Variants in SOX5 observed in about 807,000 individuals in gnomAD.
The protein encoded by SOX5 is SRY-box transcription factor 5, also known as transcription factor SOX-5.
Under a neutral mutation model 92.0 loss-of-function variants are expected in SOX5, and 9 were observed. The observed-to-expected ratio is 0.10, with a 90% CI of 0.06 to 0.17. The LOEUF (loss-of-function observed/expected upper bound fraction) is 0.17, where lower values mean the gene tolerates loss of function less well. Among genes scored for constraint, SOX5 ranks in the 10% least tolerant of loss-of-function variants. The pLI, the probability that SOX5 is intolerant of heterozygous loss-of-function variation, is 1.00. For missense variants in SOX5, 642 were observed against 944.5 expected (o/e 0.68, Z 4.20); for synonymous variants, 344 against 336.3 (o/e 1.02, Z -0.25).
At chr12:23,850,339 G>C (rs2096618021) in intron 2 of SOX5, among the ~76,000 whole-genome samples, 1 of 151,350 alleles carries the variant, frequency 6.6e-6, no homozygotes, top group African/African-American at 2.4e-5. Context: ...TGAGGCAGGA[G>C]AATCACTTGA....
intron 3 of SOX5, among the ~76,000 whole-genome samples, chr12:23,773,070 T>C (rs1040520904): frequency 6.6e-5 from 10 of 152,190 alleles, no homozygotes; most frequent in African/African-American, 2.4e-4. Context: ...GAGTCAAATC[T>C]TATTTCTGCA....
At chr12:24,134,166 AT>A (rs1394567737) in intron 4 of SOX5, among the ~76,000 whole-genome samples, 2 of 152,214 alleles carry the variant, frequency 1.3e-5, no homozygotes, top group African/African-American at 4.8e-5. Flanking sequence ...CAAACAATAT[AT>A]GATTTCAGCT....
At chr12:24,139,738 C>A (rs145921454) in intron 4 of SOX5, among the ~76,000 whole-genome samples, 2 of 152,150 alleles carry the variant, frequency 1.3e-5, no homozygotes, top group African/African-American at 4.8e-5. Flanking sequence ...ATTTTAAATT[C>A]GGCTTAACGG....
chr12:23,576,933 C>G (rs910615815), intron 9 of SOX5, among the ~76,000 whole-genome samples: 1 of 151,008 alleles, frequency 6.6e-6, no homozygotes, highest in Non-Finnish European at 1.5e-5. Flanking sequence ...AGCTATTTCA[C>G]GAGTTAAGAA....
chr12:23,913,504 G>A (rs540598976), intron 1 of SOX5, among the ~76,000 whole-genome samples: 4 of 152,102 alleles, frequency 2.6e-5, no homozygotes, highest in South Asian at 2.1e-4. Context: ...TTGGGAGGCC[G>A]AGGCAGGAGG....
intron 4 of SOX5, among the ~76,000 whole-genome samples, chr12:23,742,561 A>G (rs997034333): frequency 1.3e-5 from 2 of 152,242 alleles, no homozygotes; most frequent in African/African-American, 4.8e-5. Context: ...TTCATATGCT[A>G]GCAAGATAAA....
intron 3 of SOX5, among the ~76,000 whole-genome samples, chr12:24,226,475 T>C (rs1479430270): frequency 6.6e-6 from 1 of 152,112 alleles, no homozygotes; most frequent in Admixed American, 6.5e-5. Context: ...TTTATTTATT[T>C]ATTTATTTAT....
intron 2 of SOX5, among the ~76,000 whole-genome samples, chr12:23,860,670 G>A (rs767107555): frequency 1.9e-4 from 29 of 152,054 alleles, no homozygotes; most frequent in Non-Finnish European, 3.5e-4. Flanking sequence ...AACATCTAAA[G>A]GTAGATGTGC....
intron 3 of SOX5, among the ~76,000 whole-genome samples, chr12:23,807,665 G>C (rs2095803773): frequency 7.0e-6 from 1 of 143,248 alleles, no homozygotes; most frequent in Non-Finnish European, 1.5e-5. Flanking sequence ...TTTTGAGACA[G>C]AGTTTTGCTG....
chr12:24,447,497 G>C (rs887355862), intron 1 of SOX5, among the ~76,000 whole-genome samples: 5 of 152,094 alleles, frequency 3.3e-5, no homozygotes, highest in African/African-American at 1.2e-4. Context: ...ACAGTAGCTT[G>C]GATGGGACTC....
intron 2 of SOX5, among the ~76,000 whole-genome samples, chr12:24,297,547 T>A (rs1013970763): frequency 1.1e-4 from 16 of 152,230 alleles, no homozygotes; most frequent in African/African-American, 3.9e-4. Context: ...GCTAAAGCAG[T>A]ATTGCTTCAA....
chr12:24,226,707 G>T (rs1004834916), intron 3 of SOX5, among the ~76,000 whole-genome samples: 1 of 152,266 alleles, frequency 6.6e-6, no homozygotes, highest in East Asian at 1.9e-4. Context: ...CTGACCTCAG[G>T]TGATCCACCC....
chr12:24,055,912 T>G (rs2137194162), intron 4 of SOX5, among the ~76,000 whole-genome samples: 1 of 152,306 alleles, frequency 6.6e-6, no homozygotes, highest in Admixed American at 6.5e-5. Flanking sequence ...AAGCCTACAT[T>G]ACTTATCAAT....
chr12:23,964,606 A>C (rs1439950775), intron 4 of SOX5, among the ~76,000 whole-genome samples: 1 of 152,200 alleles, frequency 6.6e-6, no homozygotes, highest in East Asian at 1.9e-4. Flanking sequence ...AGTCCAGCAC[A>C]ACAATGGATG....
intron 4 of SOX5, among the ~76,000 whole-genome samples, chr12:24,196,288 T>C (rs1957006556): frequency 6.6e-6 from 1 of 152,216 alleles, no homozygotes; most frequent in Admixed American, 6.5e-5. Flanking sequence ...GGTTTGTAAT[T>C]AAAAAATCAT....
chr12:23,811,055 G>A (rs2095867570), intron 3 of SOX5, among the ~76,000 whole-genome samples: 1 of 152,076 alleles, frequency 6.6e-6, no homozygotes, highest in Admixed American at 6.6e-5. Context: ...GTGGGGGTGA[G>A]TAAGGTATTG....
chr12:23,832,796 CAA>C (rs555310943), intron 3 of SOX5, among the ~76,000 whole-genome samples: 3 of 135,840 alleles, frequency 2.2e-5, no homozygotes, highest in African/African-American at 8.0e-5. Flanking sequence ...CACTTTTAGG[CAA>C]AAAAAAAAAC....
intron 2 of SOX5, among the ~76,000 whole-genome samples, chr12:24,279,945 C>T (rs1236949182): frequency 3.3e-5 from 5 of 152,128 alleles, no homozygotes; most frequent in Non-Finnish European, 1.5e-5. Context: ...CTATATAACA[C>T]AGGCAGGGAG....
chr12:24,507,522 T>G (rs968114650), intron 1 of SOX5, among the ~76,000 whole-genome samples: 1 of 152,154 alleles, frequency 6.6e-6, no homozygotes, highest in African/African-American at 2.4e-5. Flanking sequence ...AAAGAAGAAT[T>G]ATAGATTTAA....
Sources: allele counts gnomAD v4.1 joint callset (sites outside exome capture counted in the v4.1 genomes callset), GRCh38; gene constraint gnomAD v4.1.1; transcripts MANE v1.5; gene names NCBI Gene and HGNC (gene_info 2026-07-23, HGNC 2026-07-21).